Variants in IKZF5 observed in about 807,000 individuals in gnomAD.
IKZF5 encodes the protein IKAROS family zinc finger 5.
Under a neutral mutation model 30.7 loss-of-function variants are expected in IKZF5, and 4 were observed. That is an observed-to-expected ratio of 0.13 (90% CI 0.06 to 0.30). The LOEUF is 0.30. Among genes scored for constraint, IKZF5 ranks in the 10% least tolerant of loss-of-function variants. IKZF5 has a pLI of 1.00. For synonymous variants in IKZF5, 148 were observed against 179.6 expected (o/e 0.82, Z 1.41); for missense variants, 348 against 525.5 (o/e 0.66, Z 3.30).
chr10:123,001,671 T>C (rs911473331), intron 2 of IKZF5, among the ~76,000 whole-genome samples: 1 of 152,238 alleles, frequency 6.6e-6, no homozygotes, highest in African/African-American at 2.4e-5. Flanking sequence ...CTGGATTCTC[T>C]GTTCTGTTCC....
intron 2 of IKZF5, among the ~76,000 whole-genome samples, chr10:123,004,769 G>T (rs944919545): frequency 1.3e-5 from 2 of 151,894 alleles, no homozygotes; most frequent in African/African-American, 4.8e-5. Context: ...TAAAAATTAG[G>T]TGTCATTTCG....
chr10:122,997,759 A>T (rs1241016794), intron 3 of IKZF5, among the ~76,000 whole-genome samples: 2 of 152,268 alleles, frequency 1.3e-5, no homozygotes, highest in Non-Finnish European at 2.9e-5. Context: ...GAAAATATGT[A>T]AACAAATGAG....
rs572418135 is a variant in IKZF5, at chr10:122,993,612, T to C, written c.*168A>G. On this transcript the variant is annotated 3_prime_UTR_variant, in exon 5 of 5. Coordinates refer to ENST00000368886, the MANE Select transcript of IKZF5 (RefSeq NM_001372123.1). ...AATATATAAATGACCCTGACCAGAT[T>C]TTTATGAAAAAAAGGGGAAATTTTA... 4.6e-5 allele frequency: 23 copies of C among 499,842 alleles called. No individual in the cohort carries two copies. Among genetic ancestry groups the C allele is most frequent in the Non-Finnish European group, 7.6e-5 (22 of 288,106 alleles). 31.0% of individuals were successfully genotyped at this position (499,842 alleles called of 1,614,324 possible). A position where few individuals can be genotyped will look rare whatever the true frequency, so the allele number is the denominator to read the frequency against.
At chr10:122,999,543 A>G (rs1183821530) in intron 2 of IKZF5, among the ~76,000 whole-genome samples, 2 of 152,250 alleles carry the variant, frequency 1.3e-5, no homozygotes, top group African/African-American at 4.8e-5. Flanking sequence ...AGCCACAGAC[A>G]GTATGTAAAC....
intron 2 of IKZF5, among the ~76,000 whole-genome samples, chr10:123,002,804 A>AC (rs1849638407): frequency 1.3e-5 from 2 of 151,184 alleles, no homozygotes; most frequent in Non-Finnish European, 3.0e-5. Context: ...AAAAAAAAAA[A>AC]CCAAAACATT....
chr10:122,999,707 A>G (rs1000860936), intron 2 of IKZF5, among the ~76,000 whole-genome samples: 1 of 152,232 alleles, frequency 6.6e-6, no homozygotes, highest in African/African-American at 2.4e-5. Context: ...ACTAGGGAAA[A>G]ATAAAAAAGT....
At position 122,992,795 on chromosome 10, in the gene IKZF5, T is replaced by C. The variant is rs573392531; in HGVS notation, c.*985A>G. On this transcript the variant is annotated 3_prime_UTR_variant, in exon 5 of 5. Coordinates refer to ENST00000368886, the MANE Select transcript of IKZF5 (RefSeq NM_001372123.1). ...CATTTTGGACATGTTCTCAGTTTTG[T>C]AAATATGACTTCACTATCACATTCT... is the stretch of plus-strand genomic sequence containing the variant. 2 of 152,664 alleles carry C rather than the reference T, an allele frequency of 1.3e-5. No homozygotes were observed. The highest frequency in any genetic ancestry group is 4.8e-5 in the African/African-American group (2 of 41,582). 9.5% of individuals were successfully genotyped at this position (152,664 alleles called of 1,614,324 possible).
intron 2 of IKZF5, among the ~76,000 whole-genome samples, chr10:122,999,144 T>G (rs761341493): frequency 2.6e-5 from 4 of 152,108 alleles, no homozygotes; most frequent in Non-Finnish European, 5.9e-5. Flanking sequence ...CAGTGAGCCG[T>G]GATTGCACCA....
chr10:122,999,824 A>G (rs1478538881), intron 2 of IKZF5, among the ~76,000 whole-genome samples: 1 of 152,262 alleles, frequency 6.6e-6, no homozygotes, highest in Non-Finnish European at 1.5e-5. Flanking sequence ...CAAATAAAAT[A>G]GCCAAAAAAG....
intron 1 of IKZF5, among the ~76,000 whole-genome samples, chr10:123,007,841 A>C (rs757806399): frequency 6.6e-6 from 1 of 152,246 alleles, no homozygotes; most frequent in Non-Finnish European, 1.5e-5. Flanking sequence ...ACGTTTAAAA[A>C]AAAGTTGTTT....
chr10:122,994,455 T>G lies in IKZF5; in HGVS notation c.585A>C (p.Ala195=). ...TGGAAGGTGGACTTAAGTTGATTAGTGCTCTTCTGCTATAGCCCAGATTGC... is the reference window on the plus strand; with the variant it reads ...TGGAAGGTGGACTTAAGTTGATTAGGGCTCTTCTGCTATAGCCCAGATTGC... ...KTSNLGYSRR[A]LINLSPPSMV... Residue 195 remains alanine, a synonymous_variant, in exon 5 of 5, where the codon GCA becomes GCC. Coordinates refer to ENST00000368886, the MANE Select transcript of IKZF5 (RefSeq NM_001372123.1). This position sits in a 1 kb window ranked among gnomAD's most constrained non-coding sequence, Gnocchi z 5.6. The G allele has an allele frequency of 1.2e-6, 2 of 1,614,204 alleles. No homozygotes were observed. Among genetic ancestry groups the G allele is most frequent in the Non-Finnish European group, 1.7e-6 (2 of 1,180,028 alleles).
Position 122,992,841 on chromosome 10 carries a change from C to T in IKZF5, c.*939G>A, listed in dbSNP as rs1382879693. The T allele has an allele frequency of 6.6e-6, 1 of 152,552 alleles. No individual in the cohort carries two copies. Among genetic ancestry groups the T allele is most frequent in the Non-Finnish European group, 1.5e-5 (1 of 68,022 alleles). 9.4% of individuals were successfully genotyped at this position (152,552 alleles called of 1,614,324 possible). A position where few individuals can be genotyped will look rare whatever the true frequency, so the allele number is the denominator to read the frequency against. On this transcript the variant is annotated 3_prime_UTR_variant, in exon 5 of 5. Coordinates refer to ENST00000368886, the MANE Select transcript of IKZF5 (RefSeq NM_001372123.1). ...ATTCTCTCATGTGTTTCCATACCCA[C>T]CTTTTCTTGGAAATTATGGGCAGAA...
In IKZF5 at chr10:122,998,648, G is replaced by A; in HGVS notation, c.-23C>T. The stretch of plus-strand genomic sequence containing the variant: ...CATCTTTGCTTTTTTAACATTTACA[G>A]TTTGTTAGACCTAGAAAACAAAACT... On this transcript the variant is annotated 5_prime_UTR_variant, in exon 3 of 5. Coordinates refer to ENST00000368886, the MANE Select transcript of IKZF5 (RefSeq NM_001372123.1). The A allele has an allele frequency of 6.2e-7, 1 of 1,608,480 alleles. No individual in the cohort carries two copies. Among genetic ancestry groups the A allele is most frequent in the Non-Finnish European group, 8.5e-7 (1 of 1,177,290 alleles).
rs559773764 is a variant in IKZF5, at chr10:123,003,640, T to C, written c.-47+3386A>G. Among the ~76,000 whole-genome samples the C allele has an allele frequency of 1.1e-3, 164 of 152,376 alleles. No individual in the cohort carries two copies. The Middle Eastern group carries it at 0.014, about 13-fold the overall frequency. ...CAGAAAATGGCGGCTATTTTTCTAA[T>C]AATTATTTTTGTAGCAAATAGAAAA... On this transcript the variant is annotated intron_variant, in intron 2 of 4. Coordinates refer to ENST00000368886, the MANE Select transcript of IKZF5 (RefSeq NM_001372123.1).
chr10:122,991,832 A>C lies in IKZF5; in HGVS notation c.*1948T>G, dbSNP rs1849172899. 1 of 152,212 alleles carries C rather than the reference A, an allele frequency of 6.6e-6. No homozygotes were observed. The highest frequency in any genetic ancestry group is 2.1e-4 in the South Asian group (1 of 4,832). The allele number at this position is 152,212 out of a possible 1,614,324, so 9.4% of individuals were successfully genotyped here. ...ACATCCATGGTCAGTTGTTAGAAAA[A>C]AATGCATTTGACAGAATACAGAGTT... On this transcript the variant is annotated 3_prime_UTR_variant, in exon 5 of 5. Coordinates refer to ENST00000368886, the MANE Select transcript of IKZF5 (RefSeq NM_001372123.1).
chr10:123,002,067 T>A (rs1359696739), intron 2 of IKZF5, among the ~76,000 whole-genome samples: 4 of 152,216 alleles, frequency 2.6e-5, no homozygotes, highest in African/African-American at 4.8e-5. Context: ...TTTTCGTACT[T>A]CTTGTCTTCT....
intron 2 of IKZF5, among the ~76,000 whole-genome samples, chr10:122,999,654 C>T (rs1765275273): frequency 6.6e-6 from 1 of 152,208 alleles, no homozygotes; most frequent in South Asian, 2.1e-4. Context: ...CTAGAAATAT[C>T]CAAATCACCA....
In IKZF5 at chr10:123,000,582, G is replaced by A. The variant is rs1849547242; in HGVS notation, c.-46-1911C>T. Reference sequence around the variant, plus strand: ...ACATATTTCTGTTGGTTGTATAGAAGTGAAACTGCTGGATCAAAGGCATGC... The same window carrying A: ...ACATATTTCTGTTGGTTGTATAGAAATGAAACTGCTGGATCAAAGGCATGC... On this transcript the variant is annotated intron_variant, in intron 2 of 4. Transcript: ENST00000368886. 3.3e-5 allele frequency among the ~76,000 whole-genome samples: 5 copies of A among 152,326 alleles called. No individual in the cohort carries two copies. The South Asian group carries it at 1.0e-3, about 32-fold the overall frequency.
chr10:123,000,232 A>G (rs1008414135), intron 2 of IKZF5, among the ~76,000 whole-genome samples: 1 of 152,166 alleles, frequency 6.6e-6, no homozygotes, highest in African/African-American at 2.4e-5. Flanking sequence ...CAATGCTAGG[A>G]CCCTCTGCCC....
Sources: gnomAD v4.1 joint callset for allele counts (sites outside exome capture counted in the v4.1 genomes callset) on GRCh38, gnomAD v4.1.1 for gene constraint, Gnocchi (gnomAD v3.1) non-coding constraint, MANE v1.5 for transcripts, NCBI Gene and HGNC (gene_info 2026-07-23, HGNC 2026-07-21) for gene names.